The following SVEP1 variants were observed in gnomAD, a reference collection of about 807,000 sequenced individuals.
SVEP1 encodes sushi, von Willebrand factor type A, EGF and pentraxin domain-containing protein 1.
Under a neutral mutation model 367.3 loss-of-function variants are expected in SVEP1, and 164 were observed. The ratio of observed to expected loss-of-function variants is 0.45; its 90% CI spans 0.39 to 0.51. SVEP1 has a LOEUF of 0.51. SVEP1 is among the 20% of genes least tolerant of loss of function. The pLI, the probability that SVEP1 is intolerant of heterozygous loss-of-function variation, is 0.00. For synonymous variants in SVEP1, 1,666 were observed against 1,611.6 expected, an observed-to-expected ratio of 1.03 and a Z score of -0.81; for missense variants, 4,117 against 4,425.3, an observed-to-expected ratio of 0.93 and a Z score of 1.98.
At chr9:110,443,826 G>A (rs1039230895) in intron 26 of SVEP1, 106 bp from the exon 27 acceptor site, 1 of 964,904 alleles carries the variant, frequency 1.0e-6, no homozygotes. Flanking sequence ...TGTGGGTAAA[G>A]TACTTTGTGT....
At chr9:110,509,616 C>G (rs1364582559) in intron 5 of SVEP1, among the ~76,000 whole-genome samples, 1 of 152,136 alleles carries the variant, frequency 6.6e-6, no homozygotes, top group African/African-American at 2.4e-5. Context: ...GTTCAAGTGA[C>G]CCTGCTGCCT....
chr9:110,401,051 A>G lies in SVEP1; in HGVS notation c.9667-42T>C, dbSNP rs533351099. 3.8e-6 allele frequency: 6 copies of G among 1,591,128 alleles called. No individual in the cohort carries two copies. In the South Asian group the frequency reaches 4.6e-5, roughly 12 times the overall value. ...AAAATGTAAGTTATGTTTAGAAGTT[A>G]ATACATATGAATGAAGAAATTTGCA... On this transcript the variant is annotated intron_variant, in intron 39 of 47. Coordinates refer to ENST00000374469, the MANE Select transcript of SVEP1 (RefSeq NM_153366.4).
intron 3 of SVEP1, among the ~76,000 whole-genome samples, chr9:110,522,772 A>G (rs1403455085): frequency 6.6e-6 from 1 of 151,936 alleles, no homozygotes; most frequent in Non-Finnish European, 1.5e-5. Context: ...TGGCTTTGAT[A>G]TTTTTCTTTC....
intron 41 of SVEP1, among the ~76,000 whole-genome samples, chr9:110,387,748 A>G (rs1827548723): frequency 1.3e-5 from 2 of 152,200 alleles, no homozygotes; most frequent in Non-Finnish European, 2.9e-5. Context: ...GTAAAATAAA[A>G]CAATCTCATT....
chr9:110,534,956 C>A (rs949179627), intron 3 of SVEP1, among the ~76,000 whole-genome samples: 15 of 152,010 alleles, frequency 9.9e-5, no homozygotes, highest in African/African-American at 3.4e-4. Flanking sequence ...TATTTTCTCT[C>A]ATTCTGTAGG....
chr9:110,430,508 C>A, intron 32 of SVEP1, 58 bp from the exon 33 acceptor site: 1 of 1,504,076 alleles, frequency 6.6e-7, no homozygotes. Flanking sequence ...CATGCAAAGT[C>A]TCACAGCAAA....
intron 1 of SVEP1, among the ~76,000 whole-genome samples, chr9:110,572,260 T>C (rs545283681): frequency 1.3e-5 from 2 of 152,320 alleles, no homozygotes; most frequent in South Asian, 4.1e-4. Flanking sequence ...ATTAGGTCAT[T>C]GGTGGAGAAT....
At position 110,408,187 on chromosome 9, in the gene SVEP1, T is replaced by A; in HGVS notation, c.7413A>T (p.Glu2471Asp). The change falls in exon 38 of 48, where the codon GAA (glutamate) becomes GAT (aspartate). Residue 2471 changes from glutamate (E) to aspartate (D), a missense_variant. Coordinates refer to ENST00000374469, the MANE Select transcript of SVEP1 (RefSeq NM_153366.4). ...AAAGGGTGGTAGTATTTCCCACCAATTCAAAGCCTGGCTTGCAGGTATAGA... is the reference window on the plus strand; with the variant it reads ...AAAGGGTGGTAGTATTTCCCACCAAATCAAAGCCTGGCTTGCAGGTATAGA... ...TALYTCKPGF[E>D]LVGNTTTLCG... 6.2e-7 allele frequency: 1 copy of A among 1,614,000 alleles called. No individual in the cohort carries two copies. Among genetic ancestry groups the A allele is most frequent in the Non-Finnish European group, 8.5e-7 (1 of 1,179,900 alleles).
intron 25 of SVEP1, 26 bp downstream of exon 25, chr9:110,446,874 A>G: frequency 6.8e-7 from 1 of 1,473,088 alleles, no homozygotes; most frequent in Non-Finnish European, 9.0e-7. Context: ...TAGTATTGTT[A>G]TTAATAACAC....
chr9:110,578,573 C>A (rs969523955), intron 1 of SVEP1, among the ~76,000 whole-genome samples: 9 of 152,028 alleles, frequency 5.9e-5, no homozygotes, highest in African/African-American at 2.2e-4. Context: ...AGGATTGGAG[C>A]AAAAATAGGA....
intron 46 of SVEP1, among the ~76,000 whole-genome samples, chr9:110,373,842 T>A (rs965454331): frequency 6.6e-6 from 1 of 152,114 alleles, no homozygotes; most frequent in African/African-American, 2.4e-5. Flanking sequence ...GATGTCAAAG[T>A]ATAGTGGGCC....
intron 1 of SVEP1, among the ~76,000 whole-genome samples, chr9:110,567,876 C>T (rs372916149): frequency 6.6e-6 from 1 of 152,178 alleles, no homozygotes; most frequent in African/African-American, 2.4e-5. Context: ...CTGGAGATGA[C>T]TCTGCCTATT....
intron 3 of SVEP1, among the ~76,000 whole-genome samples, chr9:110,536,128 C>T (rs776753307): frequency 1.3e-5 from 2 of 151,992 alleles, no homozygotes; most frequent in African/African-American, 2.4e-5. Context: ...TATGCTTCTT[C>T]AATATCAAGT....
chr9:110,501,992 T>A (rs1053365098), intron 6 of SVEP1, among the ~76,000 whole-genome samples: 11 of 152,160 alleles, frequency 7.2e-5, no homozygotes, highest in Admixed American at 6.5e-5. Flanking sequence ...ATTTTCTATC[T>A]TTTTTGGTAA....
chr9:110,384,062 G>A (rs1165989157), intron 43 of SVEP1, among the ~76,000 whole-genome samples: 1 of 152,186 alleles, frequency 6.6e-6, no homozygotes, highest in Admixed American at 6.5e-5. Context: ...GACAGTGGCT[G>A]TTCCTCCCTC....
chr9:110,404,527 T>C lies in SVEP1; in HGVS notation c.9466A>G (p.Thr3156Ala). The part of the protein sequence containing the change: ...LRCLEGYTMD[T>A]DTDTFTCQKD... ...TGACAGGTGAATGTATCTGTATCTGTATCCATCGTATAACCTTCCAGACAT... is the reference window on the plus strand; with the variant it reads ...TGACAGGTGAATGTATCTGTATCTGCATCCATCGTATAACCTTCCAGACAT... Residue 3156 changes from threonine to alanine, a missense_variant, in exon 39 of 48, where the codon ACA (threonine) becomes GCA (alanine). Thr to Ala is a moderately conservative substitution (Grantham distance 58). Coordinates refer to ENST00000374469, the MANE Select transcript of SVEP1 (RefSeq NM_153366.4). 6.2e-7 allele frequency: 1 copy of C among 1,614,012 alleles called. No individual in the cohort carries two copies. Among genetic ancestry groups the C allele is most frequent in the Non-Finnish European group, 8.5e-7 (1 of 1,179,876 alleles).
chr9:110,563,934 T>G (rs1830459608), intron 1 of SVEP1, among the ~76,000 whole-genome samples: 1 of 152,192 alleles, frequency 6.6e-6, no homozygotes, highest in Non-Finnish European at 1.5e-5. Context: ...CAGGGTTCTT[T>G]GTGCCCTAAT....
chr9:110,453,508 A>T (rs938370343), intron 22 of SVEP1, among the ~76,000 whole-genome samples: 3 of 152,182 alleles, frequency 2.0e-5, no homozygotes, highest in African/African-American at 7.2e-5. Flanking sequence ...TTCCTAAAAA[A>T]GTATATAAGT....
intron 14 of SVEP1, among the ~76,000 whole-genome samples, chr9:110,475,209 C>T (rs963623862): frequency 4.6e-5 from 7 of 152,118 alleles, no homozygotes; most frequent in Non-Finnish European, 7.4e-5. Flanking sequence ...ACTCTTAATG[C>T]TAAATCACCA....
Sources: gnomAD v4.1 joint callset for allele counts (sites outside exome capture counted in the v4.1 genomes callset) on GRCh38, gnomAD v4.1.1 for gene constraint, MANE v1.5 for transcripts, NCBI Gene and HGNC (gene_info 2026-07-23, HGNC 2026-07-21) for gene names.